Variants in FOXP4 observed in about 807,000 individuals in gnomAD.
The protein encoded by FOXP4 is forkhead box P4.
In FOXP4, 25 loss-of-function variants were observed where a neutral mutation model predicts 82.6. The ratio of observed to expected loss-of-function variants is 0.30; its 90% CI spans 0.22 to 0.42. The LOEUF is 0.42. FOXP4 is among the 10% of genes least tolerant of loss of function. The pLI is 1.00. For missense variants in FOXP4, 785 were observed against 900.9 expected (o/e 0.87, Z 1.65); for synonymous variants, 415 against 388.2 (o/e 1.07, Z -0.81).
intron 3 of FOXP4, among the ~76,000 whole-genome samples, chr6:41,580,725 G>A (rs1765751007): frequency 1.3e-5 from 2 of 152,184 alleles, no homozygotes; most frequent in Admixed American, 6.5e-5. Context: ...ATAGGGGAGA[G>A]CAAGGACTGG....
At chr6:41,573,263 G>A (rs1385272388) in intron 2 of FOXP4, among the ~76,000 whole-genome samples, 4 of 152,090 alleles carry the variant, frequency 2.6e-5, no homozygotes, top group South Asian at 2.1e-4. Flanking sequence ...CACCAACCCC[G>A]AATTCCCAGA....
Position 41,590,276 on chromosome 6 carries a change from G to A in FOXP4, c.1363G>A (p.Ala455Thr), listed in dbSNP as rs1156605534. 2.5e-6 allele frequency: 4 copies of A among 1,613,892 alleles called. No individual in the cohort carries two copies. Among genetic ancestry groups the A allele is most frequent in the South Asian group, 2.2e-5 (2 of 91,080 alleles). ...TCCTCTGCCTGTCTCCCCAGAGCTGGCCCAGAATCATGAGTTCTACAAGAA... is the reference window on the plus strand; with the variant it reads ...TCCTCTGCCTGTCTCCCCAGAGCTGACCCAGAATCATGAGTTCTACAAGAA... ...KFCSPISSEL[A>T]QNHEFYKNAD... The change falls in exon 12 of 17, where the codon GCC becomes ACC. Residue 455 changes from alanine to threonine, a missense_variant. By Grantham distance (58) the Ala-to-Thr change is moderately conservative. Coordinates refer to ENST00000307972, the MANE Select transcript of FOXP4 (RefSeq NM_001012426.2).
chr6:41,600,235 C>T lies in FOXP4; in HGVS notation c.*1299C>T, dbSNP rs1460217842. On this transcript the variant is annotated 3_prime_UTR_variant, in exon 17 of 17. Coordinates refer to ENST00000307972, the MANE Select transcript of FOXP4 (RefSeq NM_001012426.2). ...AAGGAGGGGAGAAAGCGGGCTCTCA[C>T]CCCCTCAGGAGTGGGCACGGGAGCC... 1.3e-5 allele frequency: 2 copies of T among 152,614 alleles called. No homozygotes were observed. Among genetic ancestry groups the T allele is most frequent in the African/African-American group, 2.4e-5 (1 of 41,436 alleles). 9.5% of individuals were successfully genotyped at this position (152,614 alleles called of 1,614,324 possible).
rs1280127872 is a variant in FOXP4, at chr6:41,547,116, C to CA, written c.-17+250dup. Among the ~76,000 whole-genome samples, 12 of 151,618 alleles carry CA rather than the reference C, an allele frequency of 7.9e-5. 1 individual carries two copies. The highest frequency in any genetic ancestry group is 2.2e-4 in the African/African-American group (9 of 41,318). On this transcript the variant is annotated intron_variant, in intron 1 of 16. Transcript: ENST00000307972. Reference sequence around the variant, plus strand: ...GACATTCCGCCCCTGGCCCGGGCCCCAGCGGGCCGGAGCTGCCTCGGGAAC... The same window carrying CA: ...GACATTCCGCCCCTGGCCCGGGCCCCAAGCGGGCCGGAGCTGCCTCGGGAAC...
At chr6:41,561,827 A>G (rs1415233574) in intron 1 of FOXP4, among the ~76,000 whole-genome samples, 1 of 152,212 alleles carries the variant, frequency 6.6e-6, no homozygotes, top group East Asian at 1.9e-4. Context: ...GTATAGAGAC[A>G]GGGAAGTAGA....
chr6:41,565,736 C>G lies in FOXP4; in HGVS notation c.-16-9C>G. 6.4e-7 allele frequency: 1 copy of G among 1,569,754 alleles called. No homozygotes were observed. The highest frequency in any genetic ancestry group is 8.7e-7 in the Non-Finnish European group (1 of 1,152,270). On this transcript the variant is annotated splice_polypyrimidine_tract_variant and intron_variant, in intron 1 of 16. Coordinates refer to ENST00000307972, the MANE Select transcript of FOXP4 (RefSeq NM_001012426.2). ...CAGCCTCTCCCCTGTGTCTCTCTTC[C>G]TCCTCCAGGTACCGCTAGAGCGACA...
chr6:41,592,227 A>C (rs1430203901), intron 13 of FOXP4, among the ~76,000 whole-genome samples: 1 of 152,216 alleles, frequency 6.6e-6, no homozygotes, highest in Non-Finnish European at 1.5e-5. Flanking sequence ...CTAGGTTTCA[A>C]CAAGTGTTAC....
chr6:41,562,849 C>A (rs1562014235), intron 1 of FOXP4, among the ~76,000 whole-genome samples: 1 of 152,176 alleles, frequency 6.6e-6, no homozygotes, highest in African/African-American at 2.4e-5. Context: ...AACTGAGGCC[C>A]AGGCCCAAGT....
In FOXP4 at chr6:41,558,443, A is replaced by G. The variant is rs1764399128; in HGVS notation, c.-16-7302A>G. Reference sequence around the variant, plus strand: ...CAAGACTTTCTGGACTCCTGTAATTATAGTCACTACCCTTCTCTAAACATC... The same window carrying G: ...CAAGACTTTCTGGACTCCTGTAATTGTAGTCACTACCCTTCTCTAAACATC... On this transcript the variant is annotated intron_variant, in intron 1 of 16. Transcript: ENST00000307972. This position sits in a 1 kb window ranked among gnomAD's most constrained non-coding sequence, Gnocchi z 4.0. Among the ~76,000 whole-genome samples, 1 of 152,310 alleles carries G rather than the reference A, an allele frequency of 6.6e-6. No homozygotes were observed. Among genetic ancestry groups the G allele is most frequent in the East Asian group, 1.9e-4 (1 of 5,184 alleles).
intron 1 of FOXP4, among the ~76,000 whole-genome samples, chr6:41,555,731 G>A (rs1164080880): frequency 3.3e-5 from 5 of 152,134 alleles, no homozygotes; most frequent in Non-Finnish European, 2.9e-5. Context: ...TCCCAGCTCC[G>A]AATCAATGGC....
At chr6:41,583,032 A>G (rs1471350344) in intron 3 of FOXP4, among the ~76,000 whole-genome samples, 1 of 152,094 alleles carries the variant, frequency 6.6e-6, no homozygotes, top group African/African-American at 2.4e-5. Flanking sequence ...AACAACAACA[A>G]CAACAAAGAA....
chr6:41,564,578 G>A (rs1764771053), intron 1 of FOXP4, among the ~76,000 whole-genome samples: 1 of 152,156 alleles, frequency 6.6e-6, no homozygotes, highest in Admixed American at 6.5e-5. Flanking sequence ...GCCACTCCTT[G>A]AGAGGCATTT....
At chr6:41,598,157 C>T (rs1357864955) in intron 16 of FOXP4, among the ~76,000 whole-genome samples, 1 of 151,290 alleles carries the variant, frequency 6.6e-6, no homozygotes, top group Non-Finnish European at 1.5e-5. Flanking sequence ...CACCTCCCCA[C>T]CTTCCCACCT....
chr6:41,570,219 C>A, intron 2 of FOXP4: 1 of 448,098 alleles, frequency 2.2e-6, no homozygotes, highest in Non-Finnish European at 4.7e-6. Flanking sequence ...TGATCCCACA[C>A]CTTCTGCATT....
At position 41,591,231 on chromosome 6, in the gene FOXP4, A is replaced by G; in HGVS notation, c.1445A>G (p.Glu482Gly). 2.5e-6 allele frequency: 4 copies of G among 1,608,800 alleles called. No homozygotes were observed. The highest frequency in any genetic ancestry group is 3.4e-6 in the Non-Finnish European group (4 of 1,177,580). Reference protein sequence around the residue: ...YASLIRQAILETPDRQLTLNE... With the variant: ...YASLIRQAILGTPDRQLTLNE... ...GTTCCTTCCCCGCAGGCCATCCTGG[A>G]AACCCCTGACAGGCAGCTGACCCTG... The change falls in exon 13 of 17, where the codon GAA becomes GGA. Residue 482 changes from glutamate to glycine, a missense_variant. This residue lies in a region of FOXP4 where 570 missense variants were observed against 634.0 expected (regional missense o/e 0.90). Coordinates refer to ENST00000307972, the MANE Select transcript of FOXP4 (RefSeq NM_001012426.2). The surrounding 1 kb of genome is among the most constrained non-coding windows in gnomAD (Gnocchi z 4.2).
intron 2 of FOXP4, among the ~76,000 whole-genome samples, chr6:41,569,904 C>G (rs1361751367): frequency 6.6e-6 from 1 of 151,816 alleles, no homozygotes; most frequent in Admixed American, 6.6e-5. Flanking sequence ...CCTCACCCCC[C>G]CTTCAAAGAG....
chr6:41,554,866 A>G (rs1359582355), intron 1 of FOXP4, among the ~76,000 whole-genome samples: 1 of 152,048 alleles, frequency 6.6e-6, no homozygotes, highest in African/African-American at 2.4e-5. Context: ...CCTCCAAAAA[A>G]AAAAAAGACT....
intron 10 of FOXP4, 42 bp downstream of exon 10, chr6:41,589,896 C>T: frequency 6.2e-7 from 1 of 1,610,088 alleles, no homozygotes; most frequent in Non-Finnish European, 8.5e-7. Flanking sequence ...GAGCCTTCCA[C>T]AGACCCTGGA....
chr6:41,564,447 A>G (rs1192936372), intron 1 of FOXP4, among the ~76,000 whole-genome samples: 1 of 152,196 alleles, frequency 6.6e-6, no homozygotes, highest in Non-Finnish European at 1.5e-5. Flanking sequence ...AATTAATTAA[A>G]TTAAATTTTA....
Sources: gnomAD v4.1 joint callset for allele counts (sites outside exome capture counted in the v4.1 genomes callset) on GRCh38, gnomAD v4.1.1 for gene constraint, gnomAD v4.1.1 regional missense constraint, Gnocchi (gnomAD v3.1) non-coding constraint, MANE v1.5 for transcripts, NCBI Gene and HGNC (gene_info 2026-07-23, HGNC 2026-07-21) for gene names.